The following ST3GAL3 variants were observed in gnomAD, a reference collection of about 807,000 sequenced individuals.
The protein encoded by ST3GAL3 is CMP-N-acetylneuraminate-beta-1,4-galactoside alpha-2,3-sialyltransferase.
A neutral mutation model predicts 50.1 loss-of-function variants in ST3GAL3; 21 were observed. That is an observed-to-expected ratio of 0.42 (90% CI 0.30 to 0.60). ST3GAL3 has a LOEUF of 0.60. Among genes scored for constraint, ST3GAL3 ranks in the 20% least tolerant of loss-of-function variants. ST3GAL3 has a pLI of 0.19. For synonymous variants in ST3GAL3, 183 were observed against 190.0 expected, an observed-to-expected ratio of 0.96 and a Z score of 0.30; for missense variants, 353 against 489.4, an observed-to-expected ratio of 0.72 and a Z score of 2.63.
At chr1:43,866,024 C>T (rs1010578477) in intron 5 of ST3GAL3, among the ~76,000 whole-genome samples, 6 of 152,172 alleles carry the variant, frequency 3.9e-5, no homozygotes, top group African/African-American at 1.4e-4. Context: ...GCCAAGCAGC[C>T]GGGCCTTTTC....
intron 5 of ST3GAL3, among the ~76,000 whole-genome samples, chr1:43,882,947 A>AT (rs2075382343): frequency 2.4e-5 from 1 of 40,924 alleles, no homozygotes; most frequent in Non-Finnish European, 8.0e-5. Flanking sequence ...TCTTTTATTT[A>AT]TTTATTTATT....
At chr1:43,709,824 GCAA>G (rs1663689641) in intron 1 of ST3GAL3, among the ~76,000 whole-genome samples, 1 of 152,160 alleles carries the variant, frequency 6.6e-6, no homozygotes, top group East Asian at 1.9e-4. Flanking sequence ...TCCAGACTGG[GCAA>G]CAAGCGTGAA....
intron 2 of ST3GAL3, among the ~76,000 whole-genome samples, chr1:43,759,586 A>C (rs1689525715): frequency 6.6e-6 from 1 of 152,256 alleles, no homozygotes; most frequent in Non-Finnish European, 1.5e-5. Context: ...GCAGAGAACT[A>C]CTGTCTTTTG....
At chr1:43,905,035 C>T (rs111162315) in intron 9 of ST3GAL3, among the ~76,000 whole-genome samples, 167 of 82,026 alleles carry the variant, frequency 2.0e-3, no homozygotes, top group Middle Eastern at 0.014. Context: ...CTCCTCCTCC[C>T]CCTGCTCCTC....
At chr1:43,786,429 A>G (rs752063389) in intron 2 of ST3GAL3, among the ~76,000 whole-genome samples, 11 of 152,276 alleles carry the variant, frequency 7.2e-5, no homozygotes, top group East Asian at 1.9e-4. Flanking sequence ...TAGATGTAGC[A>G]GGGCTGCTGC....
intron 5 of ST3GAL3, among the ~76,000 whole-genome samples, chr1:43,843,462 A>G (rs1236771185): frequency 6.6e-6 from 1 of 151,962 alleles, no homozygotes; most frequent in Non-Finnish European, 1.5e-5. Flanking sequence ...GTCTTGGTGT[A>G]TTGTTCTTTT....
At position 43,930,313 on chromosome 1, in the gene ST3GAL3, C is replaced by G. The variant is rs142183760; in HGVS notation, c.*92C>G. The G allele has an allele frequency of 9.2e-3, 11,908 of 1,298,558 alleles. 89 individuals are homozygous for G. Among genetic ancestry groups the G allele is most frequent in the Non-Finnish European group, 0.012 (10,658 of 901,672 alleles). 80.4% of individuals were successfully genotyped at this position (1,298,558 alleles called of 1,614,324 possible). ...AGGAGTCTTCAGACCCAGAGAAGGA[C>G]GGTGCCAAGGGCCCCAGGGGCAGCA... On this transcript the variant is annotated 3_prime_UTR_variant, in exon 12 of 12. Transcript: ENST00000347631.
intron 2 of ST3GAL3, among the ~76,000 whole-genome samples, chr1:43,757,749 A>G (rs566572779): frequency 2.6e-5 from 4 of 152,340 alleles, no homozygotes; most frequent in Non-Finnish European, 5.9e-5. Context: ...GATTTCTTAA[A>G]TAGGGCAGAA....
At chr1:43,882,485 A>G (rs904958685) in intron 5 of ST3GAL3, among the ~76,000 whole-genome samples, 7 of 152,176 alleles carry the variant, frequency 4.6e-5, no homozygotes, top group Non-Finnish European at 7.3e-5. Flanking sequence ...AGGAAATTGT[A>G]TTAGTTTACA....
At chr1:43,927,262 T>C (rs1222341790) in intron 11 of ST3GAL3, among the ~76,000 whole-genome samples, 1 of 151,886 alleles carries the variant, frequency 6.6e-6, no homozygotes, top group East Asian at 1.9e-4. Flanking sequence ...GAGGCAGAGG[T>C]TGTAGTGAGC....
chr1:43,841,744 A>G (rs796233314), intron 5 of ST3GAL3: 10 of 152,314 alleles, frequency 6.6e-5, no homozygotes, highest in African/African-American at 2.4e-4. Context: ...TAGTTATGCA[A>G]ATGTCTCTAG....
intron 4 of ST3GAL3, among the ~76,000 whole-genome samples, chr1:43,832,743 A>G (rs1445530638): frequency 1.3e-5 from 2 of 152,226 alleles, no homozygotes; most frequent in African/African-American, 4.8e-5. Flanking sequence ...TAATGACAGA[A>G]TAGGATTACT....
At chr1:43,788,006 A>G (rs2057561919) in intron 2 of ST3GAL3, among the ~76,000 whole-genome samples, 1 of 152,244 alleles carries the variant, frequency 6.6e-6, no homozygotes, top group South Asian at 2.1e-4. Context: ...ATCCTTTGGC[A>G]TTGGTACCAG....
chr1:43,891,627 CAT>C (rs2076695356), intron 5 of ST3GAL3, among the ~76,000 whole-genome samples: 1 of 152,014 alleles, frequency 6.6e-6, no homozygotes. Context: ...AATAGATTGA[CAT>C]ATATCAAATA....
intron 2 of ST3GAL3, chr1:43,772,332 G>A (rs146880518): frequency 0.017 from 4,935 of 293,014 alleles, 69 homozygotes; most frequent in Middle Eastern, 0.076. Flanking sequence ...ACAGGCATGA[G>A]CCACTGCGTC....
chr1:43,918,119 C>CTCTCTT (rs56052310), intron 9 of ST3GAL3, among the ~76,000 whole-genome samples: 1 of 133,904 alleles, frequency 7.5e-6, no homozygotes, highest in Non-Finnish European at 1.5e-5. Flanking sequence ...TTTTCTTTCT[C>CTCTCTT]TTTTTTTTTT....
chr1:43,879,226 C>T lies in ST3GAL3; in HGVS notation c.303-15157C>T, dbSNP rs376384740. On this transcript the variant is annotated intron_variant, in intron 5 of 11. Coordinates refer to ENST00000347631, the MANE Select transcript of ST3GAL3 (RefSeq NM_006279.5). ...AAAAGGCTTGTATTTAAGGACTGGA[C>T]AGAAGGCCAGTATGCTGTAACAGGG... The T allele has an allele frequency of 4.0e-5, 18 of 453,764 alleles. No individual in the cohort carries two copies. In the East Asian group the frequency reaches 4.9e-4, roughly 12 times the overall value. The allele number at this position is 453,764 out of a possible 1,614,324, so 28.1% of individuals were successfully genotyped here. A position where few individuals can be genotyped will look rare whatever the true frequency, so the allele number is the denominator to read the frequency against.
At chr1:43,750,883 A>G (rs536946159) in intron 2 of ST3GAL3, among the ~76,000 whole-genome samples, 3 of 139,878 alleles carry the variant, frequency 2.1e-5, no homozygotes, top group African/African-American at 3.0e-5. Flanking sequence ...TTGTCTCAAG[A>G]AAAAAAAAAA....
intron 5 of ST3GAL3, among the ~76,000 whole-genome samples, chr1:43,860,491 TG>T (rs1407498267): frequency 6.6e-6 from 1 of 152,230 alleles, no homozygotes; most frequent in African/African-American, 2.4e-5. Flanking sequence ...GACCCCAGCG[TG>T]GCCAAGGAAA....
Sources: allele counts gnomAD v4.1 joint callset (sites outside exome capture counted in the v4.1 genomes callset), GRCh38; gene constraint gnomAD v4.1.1; transcripts MANE v1.5; gene names NCBI Gene and HGNC (gene_info 2026-07-23, HGNC 2026-07-21).